The following RALYL variants were observed in gnomAD, a reference collection of about 807,000 sequenced individuals.
RALYL encodes RALY RNA binding protein like.
In RALYL, 29 loss-of-function variants were observed where a neutral mutation model predicts 35.1. The ratio of observed to expected loss-of-function variants is 0.83; its 90% CI spans 0.61 to 1.13. The LOEUF is 1.13. Ranked by LOEUF, RALYL falls within the 50% of genes most tolerant of loss-of-function variation. The probability of loss-of-function intolerance (pLI) is 0.00; values close to 1 mark genes in which losing one functional copy is unlikely to be tolerated. For missense variants in RALYL, 359 were observed against 360.4 expected (o/e 1.00, Z 0.03); for synonymous variants, 120 against 127.6 (o/e 0.94, Z 0.40).
At chr8:84,544,375 T>C (rs1001748215) in intron 2 of RALYL, among the ~76,000 whole-genome samples, 5 of 152,050 alleles carry the variant, frequency 3.3e-5, no homozygotes, top group Non-Finnish European at 7.4e-5. Flanking sequence ...ATCTACATAC[T>C]CTCCATTTTA....
chr8:84,589,041 G>T (rs1377278196), intron 2 of RALYL, among the ~76,000 whole-genome samples: 1 of 152,078 alleles, frequency 6.6e-6, no homozygotes, highest in Non-Finnish European at 1.5e-5. Context: ...GGGATTACAG[G>T]CATGCGCCAC....
In RALYL at chr8:84,434,228, A is replaced by G. The variant is rs913773564; in HGVS notation, c.-23-95071A>G. 5.3e-5 allele frequency among the ~76,000 whole-genome samples: 8 copies of G among 152,108 alleles called. No homozygotes were observed. The South Asian group carries it at 1.7e-3, about 32-fold the overall frequency. On this transcript the variant is annotated intron_variant, in intron 1 of 8. Coordinates refer to ENST00000521268, the MANE Select transcript of RALYL (RefSeq NM_173848.7). ...TCTACTTTTTAAAAGAACACTAGTCATATTAGATTAGGGCCCACCCTAATG... is the reference window on the plus strand; with the variant it reads ...TCTACTTTTTAAAAGAACACTAGTCGTATTAGATTAGGGCCCACCCTAATG...
Position 84,510,417 on chromosome 8 carries a change from C to A in RALYL, c.-23-18882C>A, listed in dbSNP as rs528272705. ...TGAGTCTCAATACTCCACAAAGTGT[C>A]TAAAACCCTGGAGTATCATATCACA... On this transcript the variant is annotated intron_variant, in intron 1 of 8. Coordinates refer to ENST00000521268, the MANE Select transcript of RALYL (RefSeq NM_173848.7). Among the ~76,000 whole-genome samples, 8 of 152,260 alleles carry A rather than the reference C, an allele frequency of 5.3e-5. No homozygotes were observed. In the South Asian group the frequency reaches 1.7e-3, roughly 32 times the overall value.
At chr8:84,472,610 G>A (rs1346363179) in intron 1 of RALYL, among the ~76,000 whole-genome samples, 1 of 152,056 alleles carries the variant, frequency 6.6e-6, no homozygotes, top group Non-Finnish European at 1.5e-5. Context: ...CCAGATCATA[G>A]GGAACTTTGA....
intron 1 of RALYL, among the ~76,000 whole-genome samples, chr8:84,378,815 T>C (rs1186157295): frequency 2.6e-5 from 4 of 151,908 alleles, no homozygotes; most frequent in Non-Finnish European, 5.9e-5. Context: ...TTATCATATG[T>C]GTCACATGAT....
intron 7 of RALYL, among the ~76,000 whole-genome samples, chr8:84,874,172 T>C (rs1840706479): frequency 6.6e-6 from 1 of 152,134 alleles, no homozygotes; most frequent in Non-Finnish European, 1.5e-5. Flanking sequence ...CTTATGCCTC[T>C]TCGAATCCCA....
At chr8:84,327,068 A>G (rs928207802) in intron 1 of RALYL, among the ~76,000 whole-genome samples, 2 of 152,158 alleles carry the variant, frequency 1.3e-5, no homozygotes, top group African/African-American at 4.8e-5. Context: ...CAGAGGATAT[A>G]AAAATTAATG....
At chr8:84,257,853 G>T (rs1831488383) in intron 1 of RALYL, among the ~76,000 whole-genome samples, 3 of 152,152 alleles carry the variant, frequency 2.0e-5, no homozygotes, top group South Asian at 2.1e-4. Context: ...AAACTTATTT[G>T]CTATTTAAAG....
chr8:84,404,038 T>G (rs146667711), intron 1 of RALYL, among the ~76,000 whole-genome samples: 4,292 of 152,234 alleles, frequency 0.028, 197 homozygotes, highest in African/African-American at 0.097. Flanking sequence ...ATCCTGAGAC[T>G]TTGCTGAAGT....
rs1480321823 is a variant in RALYL, at chr8:84,777,860, C to T, written c.332+3206C>T. Among the ~76,000 whole-genome samples, 3 of 152,132 alleles carry T rather than the reference C, an allele frequency of 2.0e-5. 1 individual carries two copies. The highest frequency in any genetic ancestry group is 7.2e-5 in the African/African-American group (3 of 41,400). ...ATTTCACCGTGTTAGCCAGGATAGT[C>T]TCGATCTCCTGACCTCGTGATCCGC... On this transcript the variant is annotated intron_variant, in intron 3 of 8. Coordinates refer to ENST00000521268, the MANE Select transcript of RALYL (RefSeq NM_173848.7).
Position 84,529,410 on chromosome 8 carries a change from C to A in RALYL, c.89C>A (p.Thr30Lys), listed in dbSNP as rs759722399. The change falls in exon 2 of 9, where the codon ACG (threonine) becomes AAG (lysine). Residue 30 changes from threonine (T) to lysine (K), a missense_variant. Transcript: ENST00000521268. Reference sequence around the variant, plus strand: ...CGTGTTTTCATCGGCAATCTAAATACGGCAATTGTCAAGAAAGTTGACATT... The same window carrying A: ...CGTGTTTTCATCGGCAATCTAAATAAGGCAATTGTCAAGAAAGTTGACATT... The part of the protein sequence containing the change: ...NSRVFIGNLN[T>K]AIVKKVDIEA... The A allele has an allele frequency of 6.2e-7, 1 of 1,612,624 alleles. No homozygotes were observed. The highest frequency in any genetic ancestry group is 8.5e-7 in the Non-Finnish European group (1 of 1,179,344).
chr8:84,681,249 C>G (rs1175749024), intron 2 of RALYL, among the ~76,000 whole-genome samples: 1 of 151,990 alleles, frequency 6.6e-6, no homozygotes, highest in Non-Finnish European at 1.5e-5. Flanking sequence ...TTTTGGTTCC[C>G]GTAGCCTTGT....
At chr8:84,803,798 C>T (rs572756725) in intron 3 of RALYL, among the ~76,000 whole-genome samples, 130 of 152,302 alleles carry the variant, frequency 8.5e-4, no homozygotes, top group Admixed American at 1.5e-3. Context: ...TAATTAGTGC[C>T]TTCGTTGTTT....
chr8:84,187,418 A>G (rs912142823), intron 1 of RALYL, among the ~76,000 whole-genome samples: 3 of 152,062 alleles, frequency 2.0e-5, no homozygotes, highest in African/African-American at 7.2e-5. Context: ...TATTTTTCAT[A>G]TTTATTTTTT....
intron 1 of RALYL, among the ~76,000 whole-genome samples, chr8:84,360,503 CAATGAATATCGAAGATT>C (rs1338101927): frequency 6.6e-6 from 1 of 152,106 alleles, no homozygotes; most frequent in African/African-American, 2.4e-5. Flanking sequence ...TTATTCATTC[CAATGAATATCGAAGATT>C]AATGAATAAG....
chr8:84,204,638 T>G (rs1292286172), intron 1 of RALYL, among the ~76,000 whole-genome samples: 1 of 152,192 alleles, frequency 6.6e-6, no homozygotes, highest in Non-Finnish European at 1.5e-5. Flanking sequence ...TTCCCCAAAG[T>G]ACTGCTGTGA....
At chr8:84,823,129 A>T (rs1285356226) in intron 4 of RALYL, among the ~76,000 whole-genome samples, 1 of 152,152 alleles carries the variant, frequency 6.6e-6, no homozygotes, top group Non-Finnish European at 1.5e-5. Flanking sequence ...ATGTTATATG[A>T]TATCAAAATG....
intron 2 of RALYL, among the ~76,000 whole-genome samples, chr8:84,729,969 G>A (rs1845816007): frequency 6.6e-6 from 1 of 152,066 alleles, no homozygotes; most frequent in African/African-American, 2.4e-5. Context: ...GGAGGAACTG[G>A]TACCATTCCT....
At chr8:84,279,256 T>C (rs1836044948) in intron 1 of RALYL, among the ~76,000 whole-genome samples, 1 of 152,134 alleles carries the variant, frequency 6.6e-6, no homozygotes, top group African/African-American at 2.4e-5. Context: ...CCTTGACATG[T>C]AGGGATTATT....
Sources: gnomAD v4.1 joint callset for allele counts (sites outside exome capture counted in the v4.1 genomes callset) on GRCh38, gnomAD v4.1.1 for gene constraint, MANE v1.5 for transcripts, NCBI Gene and HGNC (gene_info 2026-07-23, HGNC 2026-07-21) for gene names.